Variants in ADK observed in about 807,000 individuals in gnomAD.
ADK encodes the protein N6,N6-dimethyladenosine kinase.
ADK carries 24 observed loss-of-function variants against 44.7 expected under a neutral mutation model. The observed-to-expected ratio is 0.54, with a 90% CI of 0.39 to 0.76. The LOEUF (loss-of-function observed/expected upper bound fraction) is 0.76, where lower values mean the gene tolerates loss of function less well. Among genes scored for constraint, ADK ranks in the 30% least tolerant of loss-of-function variants. The pLI is 0.00. For synonymous variants in ADK, 128 were observed against 142.6 expected (o/e 0.90, Z 0.73); for missense variants, 321 against 425.1 (o/e 0.76, Z 2.15).
intron 9 of ADK, among the ~76,000 whole-genome samples, chr10:74,609,293 A>G (rs184329768): frequency 2.6e-5 from 4 of 152,156 alleles, no homozygotes; most frequent in African/African-American, 9.6e-5. Context: ...TATGAACAAA[A>G]ACTCCTGCAG....
At chr10:74,221,460 G>C (rs1460404367) in intron 2 of ADK, among the ~76,000 whole-genome samples, 2 of 152,182 alleles carry the variant, frequency 1.3e-5, no homozygotes, top group African/African-American at 4.8e-5. Context: ...GTAATTTAGA[G>C]ATTTAATGCC....
In ADK at chr10:74,195,877, A is replaced by G. The variant is rs145410180; in HGVS notation, c.66-4887A>G. ...TTTTTTGTAGAGATGGAGTCTCGCC[A>G]TGTTGCCCAGGCTGGTCTTGAACTC... On this transcript the variant is annotated intron_variant, in intron 1 of 10. Coordinates refer to ENST00000539909, the MANE Select transcript of ADK (RefSeq NM_006721.4). 6.2e-3 allele frequency among the ~76,000 whole-genome samples: 932 copies of G among 151,432 alleles called. 7 individuals are homozygous for G. Among genetic ancestry groups the G allele is most frequent in the Middle Eastern group, 0.028 (8 of 290 alleles).
chr10:74,189,004 C>T (rs1842869027), intron 1 of ADK, among the ~76,000 whole-genome samples: 1 of 152,172 alleles, frequency 6.6e-6, no homozygotes, highest in African/African-American at 2.4e-5. Context: ...AACTCCTGAC[C>T]TCGTGATCCG....
intron 7 of ADK, among the ~76,000 whole-genome samples, chr10:74,577,108 CTCTGTGTGTGTGTGTG>C (rs988469329): frequency 2.1e-5 from 2 of 93,166 alleles, no homozygotes; most frequent in African/African-American, 8.1e-5. Context: ...TGTATTATTT[CTCTGTGTGTGTGTGTG>C]TGTGTGTGTG....
At chr10:74,576,072 C>T (rs922572139) in intron 7 of ADK, among the ~76,000 whole-genome samples, 3 of 151,986 alleles carry the variant, frequency 2.0e-5, no homozygotes, top group African/African-American at 7.2e-5. Context: ...AGTTACCCCC[C>T]ACCCCAGAGA....
At chr10:74,437,855 T>C (rs188142826) in intron 6 of ADK, among the ~76,000 whole-genome samples, 44 of 152,310 alleles carry the variant, frequency 2.9e-4, no homozygotes, top group African/African-American at 1.0e-3. Context: ...CTCCTACCTG[T>C]CTAATATCAT....
At position 74,412,469 on chromosome 10, in the gene ADK, G is replaced by A. The variant is rs555925373; in HGVS notation, c.555+13890G>A. ...GAATGTTCTTAATGACAACTGGAAT[G>A]ATGAATTATTTTCAGGAGGTTTTCA... On this transcript the variant is annotated intron_variant, in intron 6 of 10. Coordinates refer to ENST00000539909, the MANE Select transcript of ADK (RefSeq NM_006721.4). Among the ~76,000 whole-genome samples the A allele has an allele frequency of 1.7e-4, 26 of 152,276 alleles. No homozygotes were observed. The South Asian group carries it at 5.0e-3, about 29-fold the overall frequency.
intron 4 of ADK, among the ~76,000 whole-genome samples, chr10:74,354,353 A>G (rs544142002): frequency 6.6e-6 from 1 of 151,914 alleles, no homozygotes; most frequent in African/African-American, 2.4e-5. Flanking sequence ...AAAAATTGGC[A>G]TCTGTTACCC....
chr10:74,482,182 G>T (rs1847097967), intron 6 of ADK, among the ~76,000 whole-genome samples: 5 of 152,266 alleles, frequency 3.3e-5, no homozygotes, highest in Non-Finnish European at 1.5e-5. Flanking sequence ...TTATGGTTCT[G>T]CAGGCTCTAC....
In ADK at chr10:74,486,221, G is replaced by GCT. The variant is rs112076951; in HGVS notation, c.556-39021_556-39020dup. Among the ~76,000 whole-genome samples the GCT allele has an allele frequency of 3.9e-4, 59 of 149,970 alleles. 1 individual carries two copies. The highest frequency in any genetic ancestry group is 1.2e-3 in the East Asian group (6 of 5,132). ...GTAGTTGTCTTTTCCACACTTGCACGCTCTCTCTCTCTCTCGCCTGCCACC... is the reference window on the plus strand; with the variant it reads ...GTAGTTGTCTTTTCCACACTTGCACGCTCTCTCTCTCTCTCTCGCCTGCCACC... On this transcript the variant is annotated intron_variant, in intron 6 of 10. Transcript: ENST00000539909.
chr10:74,213,585 T>C (rs1843906735), intron 2 of ADK, among the ~76,000 whole-genome samples: 1 of 151,892 alleles, frequency 6.6e-6, no homozygotes, highest in African/African-American at 2.4e-5. Context: ...ATTTAATAGA[T>C]GGATAGATAA....
At chr10:74,474,483 C>A (rs1846740762) in intron 6 of ADK, among the ~76,000 whole-genome samples, 1 of 150,440 alleles carries the variant, frequency 6.6e-6, no homozygotes, top group African/African-American at 2.4e-5. Context: ...CTTTCTTTTT[C>A]TCTCCCCCTT....
At chr10:74,564,891 G>C (rs1207884775) in intron 7 of ADK, among the ~76,000 whole-genome samples, 1 of 151,700 alleles carries the variant, frequency 6.6e-6, no homozygotes, top group Non-Finnish European at 1.5e-5. Flanking sequence ...CATGTTGGCT[G>C]TCCTGAGTTG....
intron 1 of ADK, among the ~76,000 whole-genome samples, chr10:74,198,185 G>A (rs1021267029): frequency 2.6e-4 from 39 of 152,288 alleles, no homozygotes; most frequent in African/African-American, 9.1e-4. Flanking sequence ...AAATCAGGCA[G>A]AGTAGTCCCA....
intron 7 of ADK, among the ~76,000 whole-genome samples, chr10:74,532,899 G>A (rs1849338640): frequency 9.2e-6 from 1 of 109,094 alleles, no homozygotes; most frequent in African/African-American, 3.6e-5. Flanking sequence ...CAGTCTGGGC[G>A]ACAGAGCAAG....
intron 6 of ADK, among the ~76,000 whole-genome samples, chr10:74,406,419 G>C (rs761802471): frequency 1.3e-5 from 2 of 150,902 alleles, no homozygotes; most frequent in Non-Finnish European, 3.0e-5. Flanking sequence ...GTGTGGTTGG[G>C]GTTTTTTATA....
chr10:74,700,523 G>A (rs145173906), intron 10 of ADK, among the ~76,000 whole-genome samples: 1,658 of 152,138 alleles, frequency 0.011, 13 homozygotes, highest in Non-Finnish European at 0.017. Context: ...GATTACAGGC[G>A]TGAGCCATGG....
At chr10:74,577,160 ACTTGT>A (rs1851222433) in intron 7 of ADK, among the ~76,000 whole-genome samples, 1 of 120,356 alleles carries the variant, frequency 8.3e-6, no homozygotes, top group Non-Finnish European at 1.8e-5. Flanking sequence ...GTGTAGTCTA[ACTTGT>A]ACATTTGGCC....
chr10:74,339,598 A>G (rs577962482), intron 4 of ADK, among the ~76,000 whole-genome samples: 2 of 152,216 alleles, frequency 1.3e-5, no homozygotes, highest in Admixed American at 6.5e-5. Context: ...ATGGTCCCAT[A>G]CAAAGCTGGA....
Sources: gnomAD v4.1 joint callset for allele counts (sites outside exome capture counted in the v4.1 genomes callset) on GRCh38, gnomAD v4.1.1 for gene constraint, MANE v1.5 for transcripts, NCBI Gene and HGNC (gene_info 2026-07-23, HGNC 2026-07-21) for gene names.